The following MARCHF11 variants were observed in gnomAD, a reference collection of about 807,000 sequenced individuals.
MARCHF11 encodes the protein membrane associated ring-CH-type finger 11.
MARCHF11 carries 29 observed loss-of-function variants against 37.3 expected under a neutral mutation model. The observed-to-expected ratio is 0.78, with a 90% CI of 0.58 to 1.06. MARCHF11 has a LOEUF of 1.06. Among genes scored for constraint, MARCHF11 ranks in the 50% least tolerant of loss-of-function variants. The pLI is 0.00. For missense variants in MARCHF11, 482 were observed against 533.4 expected (o/e 0.90, Z 0.95); for synonymous variants, 233 against 228.0 (o/e 1.02, Z -0.20).
At chr5:16,079,700 C>T (rs1434028215) in intron 3 of MARCHF11, among the ~76,000 whole-genome samples, 1 of 152,176 alleles carries the variant, frequency 6.6e-6, no homozygotes, top group Non-Finnish European at 1.5e-5. Flanking sequence ...ATTCATTGCT[C>T]TCCTCCGAGT....
intron 2 of MARCHF11, among the ~76,000 whole-genome samples, chr5:16,099,300 G>A (rs1223333112): frequency 6.6e-6 from 1 of 152,088 alleles, no homozygotes; most frequent in Non-Finnish European, 1.5e-5. Flanking sequence ...ATTTGATACT[G>A]TATGGAGATA....
chr5:16,080,113 G>T (rs150302677), intron 3 of MARCHF11, among the ~76,000 whole-genome samples: 1 of 152,256 alleles, frequency 6.6e-6, no homozygotes, highest in East Asian at 1.9e-4. Context: ...TGTCAGCTAA[G>T]ATTTGTGAAC....
intron 2 of MARCHF11, among the ~76,000 whole-genome samples, chr5:16,157,101 A>T (rs1017529147): frequency 6.6e-6 from 1 of 151,816 alleles, no homozygotes; most frequent in Non-Finnish European, 1.5e-5. Context: ...CAATAAAACA[A>T]TCCTATTTAC....
At chr5:16,170,999 TC>T (rs1287782480) in intron 2 of MARCHF11, among the ~76,000 whole-genome samples, 1 of 152,150 alleles carries the variant, frequency 6.6e-6, no homozygotes, top group Non-Finnish European at 1.5e-5. Flanking sequence ...CCAAAGCGAC[TC>T]CTCAGAATTA....
chr5:16,084,377 T>C (rs1253243579), intron 3 of MARCHF11, among the ~76,000 whole-genome samples: 1 of 152,218 alleles, frequency 6.6e-6, no homozygotes, highest in Non-Finnish European at 1.5e-5. Flanking sequence ...GTGCGATGGC[T>C]CATGCCTGTA....
At chr5:16,158,202 G>T (rs935696310) in intron 2 of MARCHF11, among the ~76,000 whole-genome samples, 1 of 151,896 alleles carries the variant, frequency 6.6e-6, no homozygotes, top group South Asian at 2.1e-4. Context: ...TGGAAAAAAG[G>T]GAGCACTCAC....
At chr5:16,098,575 C>T (rs1034084583) in intron 2 of MARCHF11, among the ~76,000 whole-genome samples, 1 of 152,022 alleles carries the variant, frequency 6.6e-6, no homozygotes, top group African/African-American at 2.4e-5. Flanking sequence ...CAAGACCAAC[C>T]TGGCCAACAT....
chr5:16,100,502 C>T (rs945019553), intron 2 of MARCHF11, among the ~76,000 whole-genome samples: 5 of 152,168 alleles, frequency 3.3e-5, no homozygotes, highest in Non-Finnish European at 7.3e-5. Context: ...GTGAGAATCA[C>T]GACCAGTAGA....
chr5:16,179,592 C>A lies in MARCHF11; in HGVS notation c.-17G>T. 1 of 1,178,950 alleles carries A rather than the reference C, an allele frequency of 8.5e-7. No individual in the cohort carries two copies. The highest frequency in any genetic ancestry group is 4.2e-5 in the South Asian group (1 of 23,764). 73.0% of individuals were successfully genotyped at this position (1,178,950 alleles called of 1,614,324 possible). The stretch of plus-strand genomic sequence containing the variant: ...AAAGCTCATGGTTGTGCCGCCGCCG[C>A]CCTCCTGCCGGCCCGGCTGGCGGGC... On this transcript the variant is annotated 5_prime_UTR_variant, in exon 1 of 4. Transcript: ENST00000332432.
chr5:16,156,862 G>GT (rs1159055224), intron 2 of MARCHF11, among the ~76,000 whole-genome samples: 1 of 151,800 alleles, frequency 6.6e-6, no homozygotes, highest in East Asian at 1.9e-4. Context: ...AAACAAAATT[G>GT]TATGTGTGTA....
At chr5:16,137,028 A>G (rs1015901649) in intron 2 of MARCHF11, among the ~76,000 whole-genome samples, 1 of 152,208 alleles carries the variant, frequency 6.6e-6, no homozygotes, top group African/African-American at 2.4e-5. Flanking sequence ...CCATGTAATA[A>G]AAATTAAATA....
At chr5:16,106,229 C>A (rs577496846) in intron 2 of MARCHF11, among the ~76,000 whole-genome samples, 18 of 152,268 alleles carry the variant, frequency 1.2e-4, no homozygotes, top group African/African-American at 4.1e-4. Context: ...GGGGAATGAG[C>A]AAGCGGTGTC....
At chr5:16,119,051 G>A (rs974417064) in intron 2 of MARCHF11, among the ~76,000 whole-genome samples, 4 of 152,080 alleles carry the variant, frequency 2.6e-5, no homozygotes, top group African/African-American at 9.7e-5. Flanking sequence ...TAATCCAATA[G>A]CGAGAGACAC....
chr5:16,160,692 ATGAT>A (rs1044062904), intron 2 of MARCHF11, among the ~76,000 whole-genome samples: 20 of 151,988 alleles, frequency 1.3e-4, no homozygotes, highest in African/African-American at 4.8e-4. Flanking sequence ...AAAATGGAAA[ATGAT>A]TGATTAAATC....
intron 2 of MARCHF11, among the ~76,000 whole-genome samples, chr5:16,108,495 T>C (rs1008832948): frequency 2.6e-5 from 4 of 152,154 alleles, no homozygotes; most frequent in Non-Finnish European, 5.9e-5. Flanking sequence ...CAGTGGTGGG[T>C]ACAGAACTTG....
intron 2 of MARCHF11, among the ~76,000 whole-genome samples, chr5:16,100,724 T>C (rs1454347990): frequency 6.6e-6 from 1 of 152,130 alleles, no homozygotes; most frequent in African/African-American, 2.4e-5. Context: ...CCTGTCTGTC[T>C]CCATTCACAG....
At chr5:16,158,726 A>G (rs996407945) in intron 2 of MARCHF11, among the ~76,000 whole-genome samples, 1 of 151,970 alleles carries the variant, frequency 6.6e-6, no homozygotes, top group Non-Finnish European at 1.5e-5. Context: ...TTTAAGTTTC[A>G]GGGTACATGT....
chr5:16,067,673 C>T lies in MARCHF11; in HGVS notation c.1007G>A (p.Gly336Glu), dbSNP rs555256681. 3 of 1,613,852 alleles carry T rather than the reference C, an allele frequency of 1.9e-6. No homozygotes were observed. The highest frequency in any genetic ancestry group is 3.3e-5 in the Admixed American group (2 of 60,000). The stretch of plus-strand genomic sequence containing the variant: ...CAAAGTCCTACTTGTGGAAGACTCT[C>T]CCCGGCTGCTTTCTTCGATGTCTGT... The part of the protein sequence containing the change: ...KATDIEESSR[G>E]ESSTSRTLWL... Residue 336 changes from glycine to glutamate, a missense_variant, in exon 4 of 4, where the codon GGA becomes GAA. Transcript: ENST00000332432.
chr5:16,141,732 T>C (rs1164070347), intron 2 of MARCHF11: 1 of 152,182 alleles, frequency 6.6e-6, no homozygotes, highest in East Asian at 1.9e-4. Context: ...CCATTCACCT[T>C]GAAAATGTGA....
Sources: allele counts gnomAD v4.1 joint callset (sites outside exome capture counted in the v4.1 genomes callset), GRCh38; gene constraint gnomAD v4.1.1; transcripts MANE v1.5; gene names NCBI Gene and HGNC (gene_info 2026-07-23, HGNC 2026-07-21).